MGAT4C: variants seen among roughly 807,000 people sequenced by gnomAD.
MGAT4C encodes alpha-1,3-mannosyl-glycoprotein 4-beta-N-acetylglucosaminyltransferase C.
Under a neutral mutation model 40.1 loss-of-function variants are expected in MGAT4C, and 19 were observed. The observed-to-expected ratio is 0.47, with a 90% CI of 0.33 to 0.70. The LOEUF is 0.70. Among genes scored for constraint, MGAT4C ranks in the 30% least tolerant of loss-of-function variants. The pLI is 0.02. For synonymous variants in MGAT4C, 181 were observed against 187.1 expected (o/e 0.97, Z 0.27); for missense variants, 491 against 563.2 (o/e 0.87, Z 1.30).
intron 3 of MGAT4C, among the ~76,000 whole-genome samples, chr12:86,372,430 C>T (rs919639547): frequency 3.3e-5 from 5 of 151,756 alleles, no homozygotes; most frequent in Admixed American, 3.3e-4. Context: ...ACTTTAAAAT[C>T]ACATAATTCT....
chr12:86,341,022 A>T (rs1018958309), intron 3 of MGAT4C, among the ~76,000 whole-genome samples: 2 of 152,248 alleles, frequency 1.3e-5, no homozygotes, highest in African/African-American at 2.4e-5. Context: ...GACTATAAGC[A>T]GCTAGTGCTT....
chr12:86,403,144 A>G (rs1956402484), intron 3 of MGAT4C, among the ~76,000 whole-genome samples: 1 of 152,186 alleles, frequency 6.6e-6, no homozygotes, highest in Non-Finnish European at 1.5e-5. Flanking sequence ...TCTTTATTTA[A>G]AACAGCAATA....
chr12:86,134,065 T>C (rs1336068519), intron 1 of MGAT4C, among the ~76,000 whole-genome samples: 3 of 152,116 alleles, frequency 2.0e-5, no homozygotes, highest in Non-Finnish European at 4.4e-5. Flanking sequence ...CAGCATATAA[T>C]TAATCACATT....
chr12:86,672,594 C>T (rs1442514796), intron 2 of MGAT4C, among the ~76,000 whole-genome samples: 3 of 152,042 alleles, frequency 2.0e-5, no homozygotes, highest in Non-Finnish European at 4.4e-5. Flanking sequence ...GGAGACAATA[C>T]ATCTGATACT....
At chr12:86,141,691 C>G (rs1201006642) in intron 1 of MGAT4C, among the ~76,000 whole-genome samples, 4 of 151,910 alleles carry the variant, frequency 2.6e-5, no homozygotes, top group African/African-American at 9.7e-5. Context: ...ACCAGCTATA[C>G]CTAATGTTCA....
At chr12:86,156,409 G>C (rs906957005) in intron 1 of MGAT4C, among the ~76,000 whole-genome samples, 1 of 152,032 alleles carries the variant, frequency 6.6e-6, no homozygotes, top group Non-Finnish European at 1.5e-5. Flanking sequence ...CGCAACCTCC[G>C]TGTCCCAGGT....
chr12:86,661,799 C>G (rs1412627061), intron 2 of MGAT4C, among the ~76,000 whole-genome samples: 1 of 151,830 alleles, frequency 6.6e-6, no homozygotes, highest in African/African-American at 2.4e-5. Flanking sequence ...ATTAGCCGGG[C>G]GTGGTGGTGT....
rs193161003 is a variant in MGAT4C at position 86,573,518 on chromosome 12, T to C, written c.-228-138253A>G. 7.9e-5 allele frequency among the ~76,000 whole-genome samples: 12 copies of C among 152,160 alleles called. No homozygotes were observed. The East Asian group carries it at 2.3e-3, about 29-fold the overall frequency. On this transcript the variant is annotated intron_variant, in intron 2 of 7. Coordinates refer to the MGAT4C transcript ENST00000548651. The stretch of plus-strand genomic sequence containing the variant: ...TTTGATTTTAGTTAGTGACGTAATT[T>C]TGATGCTGACATGTAACCCATTTTT...
intron 2 of MGAT4C, among the ~76,000 whole-genome samples, chr12:86,715,045 A>T (rs998958186): frequency 6.6e-6 from 1 of 152,116 alleles, no homozygotes; most frequent in Non-Finnish European, 1.5e-5. Context: ...ATGGAAACTT[A>T]TCTCGTTATG....
At chr12:86,097,044 T>C (rs1455311144) in intron 1 of MGAT4C, among the ~76,000 whole-genome samples, 3 of 151,666 alleles carry the variant, frequency 2.0e-5, no homozygotes, top group Non-Finnish European at 4.4e-5. Context: ...TACATTCATC[T>C]ACCAGCCCTT....
At chr12:86,650,014 C>A (rs975303571) in intron 2 of MGAT4C, among the ~76,000 whole-genome samples, 8 of 151,860 alleles carry the variant, frequency 5.3e-5, no homozygotes, top group African/African-American at 1.9e-4. Context: ...TCAAGGTTTG[C>A]TAAATAGCTG....
At chr12:86,700,643 A>G (rs186633807) in intron 2 of MGAT4C, among the ~76,000 whole-genome samples, 3 of 152,254 alleles carry the variant, frequency 2.0e-5, no homozygotes, top group South Asian at 2.1e-4. Flanking sequence ...TGAAACAGAA[A>G]TAAAAGAAAT....
intron 2 of MGAT4C, among the ~76,000 whole-genome samples, chr12:86,470,329 T>C (rs73189394): frequency 0.099 from 15,004 of 152,144 alleles, 990 homozygotes; most frequent in Middle Eastern, 0.25. Flanking sequence ...CTTCCCTTTT[T>C]TTACTTATCT....
chr12:86,144,584 C>T (rs1362898615), intron 1 of MGAT4C, among the ~76,000 whole-genome samples: 2 of 152,088 alleles, frequency 1.3e-5, no homozygotes, highest in Admixed American at 1.3e-4. Flanking sequence ...GAATTACAAC[C>T]CCAAATACTT....
chr12:86,807,594 A>G (rs1952383418), intron 1 of MGAT4C, among the ~76,000 whole-genome samples: 1 of 152,144 alleles, frequency 6.6e-6, no homozygotes, highest in Non-Finnish European at 1.5e-5. Context: ...GTAAGTGTGC[A>G]TGTATCTTTG....
chr12:86,829,194 T>A (rs1952870339), intron 1 of MGAT4C, among the ~76,000 whole-genome samples: 1 of 151,564 alleles, frequency 6.6e-6, no homozygotes, highest in African/African-American at 2.4e-5. Flanking sequence ...TAAAATAATA[T>A]GAGAAATTGT....
At chr12:86,407,893 A>G (rs1169670653) in intron 3 of MGAT4C, among the ~76,000 whole-genome samples, 5 of 152,124 alleles carry the variant, frequency 3.3e-5, no homozygotes, top group African/African-American at 1.2e-4. Flanking sequence ...CAAGCATTAA[A>G]TGTATAGTTA....
chr12:86,804,253 C>T (rs927196648), intron 1 of MGAT4C, among the ~76,000 whole-genome samples: 1 of 124,422 alleles, frequency 8.0e-6, no homozygotes, highest in Non-Finnish European at 1.6e-5. Flanking sequence ...ATATCACACT[C>T]TGGGGACTGT....
chr12:86,720,285 A>G (rs1179147276), intron 2 of MGAT4C, among the ~76,000 whole-genome samples: 1 of 112,854 alleles, frequency 8.9e-6, no homozygotes, highest in Non-Finnish European at 2.0e-5. Context: ...AGAGAGACCT[A>G]CAGAAGCTGC....
Sources: allele counts gnomAD v4.1 joint callset (sites outside exome capture counted in the v4.1 genomes callset), GRCh38; gene constraint gnomAD v4.1.1; transcripts MANE v1.5; gene names NCBI Gene and HGNC (gene_info 2026-07-23, HGNC 2026-07-21).